Variants in MACROD2 observed in about 807,000 individuals in gnomAD.
MACROD2 encodes ADP-ribose glycohydrolase MACROD2.
A neutral mutation model predicts 70.4 loss-of-function variants in MACROD2; 36 were observed. The observed-to-expected ratio is 0.51, with a 90% CI of 0.39 to 0.68. MACROD2 has a LOEUF of 0.68. Ranked by LOEUF, MACROD2 falls within the 30% of genes least tolerant of loss-of-function variation. MACROD2 has a pLI of 0.00. For synonymous variants in MACROD2, 172 were observed against 178.8 expected (o/e 0.96, Z 0.30); for missense variants, 496 against 538.4 (o/e 0.92, Z 0.78).
intron 6 of MACROD2, among the ~76,000 whole-genome samples, chr20:15,278,073 C>T (rs978009658): frequency 6.6e-6 from 1 of 152,060 alleles, no homozygotes; most frequent in African/African-American, 2.4e-5. Context: ...CCTCAGGGTC[C>T]CAGTGATAGC....
At chr20:14,535,630 A>G (rs1181333557) in intron 4 of MACROD2, among the ~76,000 whole-genome samples, 4 of 151,632 alleles carry the variant, frequency 2.6e-5, no homozygotes, top group Admixed American at 2.6e-4. Context: ...TAAAGTCTTG[A>G]GTATATAGTG....
At position 15,778,795 on chromosome 20, in the gene MACROD2, A is replaced by G. The variant is rs576542559; in HGVS notation, c.646-83950A>G. On this transcript the variant is annotated intron_variant, in intron 8 of 17. Transcript: ENST00000684519. Reference sequence around the variant, plus strand: ...TATAAACACAGAATATTCTTGCAGAATATCTTCAACAAGCACTTCCAGTCA... The same window carrying G: ...TATAAACACAGAATATTCTTGCAGAGTATCTTCAACAAGCACTTCCAGTCA... 5.3e-5 allele frequency among the ~76,000 whole-genome samples: 8 copies of G among 152,238 alleles called. No individual in the cohort carries two copies. In the South Asian group the frequency reaches 1.7e-3, roughly 32 times the overall value.
chr20:14,381,774 A>G (rs1483794704), intron 3 of MACROD2, among the ~76,000 whole-genome samples: 1 of 152,164 alleles, frequency 6.6e-6, no homozygotes, highest in Non-Finnish European at 1.5e-5. Context: ...TTTCTTCAAT[A>G]AAAAGAAAAA....
rs146754864 is a variant in MACROD2 at position 14,808,052 on chromosome 20, G to A, written c.418+123093G>A. Among the ~76,000 whole-genome samples the A allele has an allele frequency of 3.9e-3, 589 of 152,080 alleles. 5 individuals carry two copies. Among genetic ancestry groups the A allele is most frequent in the African/African-American group, 0.013 (533 of 41,540 alleles). On this transcript the variant is annotated intron_variant, in intron 5 of 17. Transcript: ENST00000684519. ...ATTATCCAGGAGAACTTCCCCAACCGAGCAAGACAGGCCAACATTCAAATT... is the reference window on the plus strand; with the variant it reads ...ATTATCCAGGAGAACTTCCCCAACCAAGCAAGACAGGCCAACATTCAAATT...
chr20:15,538,242 A>G (rs1232008209), intron 8 of MACROD2, among the ~76,000 whole-genome samples: 1 of 152,202 alleles, frequency 6.6e-6, no homozygotes, highest in Non-Finnish European at 1.5e-5. Context: ...TACAATGTAC[A>G]TGTCAGATAC....
At chr20:14,999,511 T>G (rs1261629627) in intron 5 of MACROD2, among the ~76,000 whole-genome samples, 1 of 152,092 alleles carries the variant, frequency 6.6e-6, no homozygotes, top group Non-Finnish European at 1.5e-5. Flanking sequence ...CCAGGCATGG[T>G]GGCCCATGCC....
intron 2 of MACROD2, among the ~76,000 whole-genome samples, chr20:14,016,179 C>T (rs1359396592): frequency 1.3e-5 from 2 of 152,110 alleles, no homozygotes; most frequent in African/African-American, 4.8e-5. Flanking sequence ...GTTGTTTGTG[C>T]TTTTGATGAG....
intron 8 of MACROD2, among the ~76,000 whole-genome samples, chr20:15,729,297 A>G (rs1470264904): frequency 6.6e-5 from 10 of 152,128 alleles, no homozygotes; most frequent in African/African-American, 2.4e-4. Flanking sequence ...GCATTGTTTT[A>G]TGGTTAATTT....
intron 6 of MACROD2, among the ~76,000 whole-genome samples, chr20:15,255,039 G>A (rs2077187602): frequency 6.8e-6 from 1 of 147,794 alleles, no homozygotes; most frequent in East Asian, 2.0e-4. Flanking sequence ...ATTCTGGACA[G>A]CCTAGCATTC....
chr20:15,029,209 A>G (rs1377753484), intron 5 of MACROD2, among the ~76,000 whole-genome samples: 2 of 152,044 alleles, frequency 1.3e-5, no homozygotes, highest in African/African-American at 4.8e-5. Context: ...TTATTTAGCT[A>G]CCTCTTATAG....
chr20:14,446,025 C>T (rs1178430187), intron 3 of MACROD2, among the ~76,000 whole-genome samples: 3 of 151,932 alleles, frequency 2.0e-5, no homozygotes, highest in Admixed American at 6.6e-5. Flanking sequence ...TTTTACTGTC[C>T]AGAATTTGGT....
intron 5 of MACROD2, among the ~76,000 whole-genome samples, chr20:14,686,361 T>C (rs934671386): frequency 1.3e-5 from 2 of 152,178 alleles, no homozygotes; most frequent in African/African-American, 2.4e-5. Flanking sequence ...TATTATACAA[T>C]ATTTTAAATA....
At chr20:14,815,230 G>A (rs1224647862) in intron 5 of MACROD2, among the ~76,000 whole-genome samples, 1 of 151,980 alleles carries the variant, frequency 6.6e-6, no homozygotes, top group Admixed American at 6.6e-5. Context: ...GAGATAAGTT[G>A]TGTCTAGGTG....
At chr20:14,907,241 G>A (rs1762553552) in intron 5 of MACROD2, among the ~76,000 whole-genome samples, 1 of 152,198 alleles carries the variant, frequency 6.6e-6, no homozygotes, top group Non-Finnish European at 1.5e-5. Context: ...TTGAAAGTAG[G>A]TATGAATGAG....
intron 8 of MACROD2, among the ~76,000 whole-genome samples, chr20:15,763,394 C>T (rs1485657004): frequency 6.6e-6 from 1 of 152,122 alleles, no homozygotes; most frequent in Non-Finnish European, 1.5e-5. Context: ...TGATGTAAGA[C>T]ACCAGACAAA....
chr20:14,398,553 T>G (rs2083604764), intron 3 of MACROD2, among the ~76,000 whole-genome samples: 1 of 152,170 alleles, frequency 6.6e-6, no homozygotes, highest in Admixed American at 6.5e-5. Flanking sequence ...GTTGGGCATT[T>G]GTATGTCTTC....
Position 16,041,206 on chromosome 20 carries a change from G to A in MACROD2, c.1159G>A (p.Gly387Ser), listed in dbSNP as rs2067303026. Residue 387 changes from glycine (G) to serine (S), a missense_variant, in exon 16 of 18, where the codon GGC (glycine) becomes AGC (serine). Coordinates refer to ENST00000684519, the MANE Select transcript of MACROD2 (RefSeq NM_001351661.2). ...GTGGTCTTTTTCTCTTCCAGCTCCA[G>A]GCGAGGACACACCTAGGATGCCTGG... is the stretch of plus-strand genomic sequence containing the variant. ...QEEKEGEKAP[G>S]EDTPRMPGKS... is the part of the protein sequence containing the mutation. The A allele has an allele frequency of 6.2e-7, 1 of 1,611,382 alleles. No homozygotes were observed. The highest frequency in any genetic ancestry group is 1.3e-5 in the African/African-American group (1 of 74,658).
At chr20:15,982,758 A>G (rs988855841) in intron 13 of MACROD2, among the ~76,000 whole-genome samples, 1 of 152,232 alleles carries the variant, frequency 6.6e-6, no homozygotes, top group Non-Finnish European at 1.5e-5. Flanking sequence ...TAGTTAGTCT[A>G]GCATTCATTA....
intron 5 of MACROD2, among the ~76,000 whole-genome samples, chr20:15,189,206 C>T (rs2076553491): frequency 6.6e-6 from 1 of 151,838 alleles, no homozygotes. Flanking sequence ...GGCTGAGTCC[C>T]TGCATGACTA....
Sources: allele counts gnomAD v4.1 joint callset (sites outside exome capture counted in the v4.1 genomes callset), GRCh38; gene constraint gnomAD v4.1.1; transcripts MANE v1.5; gene names NCBI Gene and HGNC (gene_info 2026-07-23, HGNC 2026-07-21).